The following TNFRSF10A variants were observed in gnomAD, a reference collection of about 807,000 sequenced individuals.
The protein encoded by TNFRSF10A is TNF receptor superfamily member 10a, also known as tumor necrosis factor receptor superfamily member 10A.
TNFRSF10A carries 44 observed loss-of-function variants against 42.8 expected under a neutral mutation model. The observed-to-expected ratio is 1.03, with a 90% CI of 0.81 to 1.32. TNFRSF10A has a LOEUF of 1.32. Ranked by LOEUF, TNFRSF10A falls within the 40% of genes most tolerant of loss-of-function variation. TNFRSF10A has a pLI of 0.00. For synonymous variants in TNFRSF10A, 259 were observed against 234.2 expected (o/e 1.11, Z -0.97); for missense variants, 680 against 602.0 (o/e 1.13, Z -1.36).
intron 1 of TNFRSF10A, 165 bp downstream of exon 1, chr8:23,224,591 G>A (rs926162000): frequency 5.3e-6 from 5 of 941,868 alleles, no homozygotes; most frequent in Non-Finnish European, 7.7e-6. Context: ...GCCTGGCCCC[G>A]GGGACCCCGT....
intron 1 of TNFRSF10A, among the ~76,000 whole-genome samples, chr8:23,221,298 T>C (rs1234485969): frequency 6.6e-6 from 1 of 152,166 alleles, no homozygotes; most frequent in Non-Finnish European, 1.5e-5. Context: ...ACCTAGTTTA[T>C]AGGAAGGAGC....
chr8:23,202,159 A>G (rs1020204379), intron 3 of TNFRSF10A, among the ~76,000 whole-genome samples: 5 of 152,198 alleles, frequency 3.3e-5, no homozygotes, highest in African/African-American at 1.2e-4. Context: ...CAGATTAGGG[A>G]AAAAGCACCA....
intron 4 of TNFRSF10A, 29 bp from the exon 5 acceptor site, chr8:23,200,789 G>T (rs374842149): frequency 8.1e-5 from 117 of 1,450,262 alleles, no homozygotes; most frequent in Non-Finnish European, 1.0e-4. Flanking sequence ...GGAGGGGGGG[G>T]ACTCTTGATG....
chr8:23,224,616 C>T, intron 1 of TNFRSF10A, 140 bp downstream of exon 1: 1 of 1,184,554 alleles, frequency 8.4e-7, no homozygotes, highest in Non-Finnish European at 1.2e-6. Flanking sequence ...CCTCCGACTC[C>T]GACGACGGGC....
chr8:23,225,016 C>T lies in TNFRSF10A; in HGVS notation c.46G>A (p.Val16Met). The change falls in exon 1 of 10, where the codon GTG becomes ATG. Residue 16 changes from valine (V) to methionine (M), a missense_variant. Physicochemically the swap from Val to Met is conservative, Grantham distance 21. Coordinates refer to ENST00000221132, the MANE Select transcript of TNFRSF10A (RefSeq NM_003844.4). ...GCTGCGCTCCCGGGATTCGGAGTCA[C>T]TGCCAGGAACGCACCTAGATGTACT... is the stretch of plus-strand genomic sequence containing the variant. ...ARVHLGAFLA[V>M]TPNPGSAASG... The T allele has an allele frequency of 6.3e-7, 1 of 1,582,708 alleles. No homozygotes were observed. The highest frequency in any genetic ancestry group is 8.6e-7 in the Non-Finnish European group (1 of 1,163,452).
At chr8:23,201,305 C>G (rs1360537735) in intron 4 of TNFRSF10A, among the ~76,000 whole-genome samples, 2 of 152,180 alleles carry the variant, frequency 1.3e-5, no homozygotes. Context: ...CTCAGGTCCT[C>G]ATGGGAACTT....
intron 1 of TNFRSF10A, among the ~76,000 whole-genome samples, chr8:23,220,921 A>G (rs1448527868): frequency 2.0e-5 from 3 of 152,196 alleles, no homozygotes; most frequent in Admixed American, 6.5e-5. Flanking sequence ...TCAAACTGCA[A>G]CCAGTGCCGG....
chr8:23,195,837 T>C (rs1407689402), intron 9 of TNFRSF10A, among the ~76,000 whole-genome samples: 5 of 152,154 alleles, frequency 3.3e-5, no homozygotes, highest in Non-Finnish European at 7.3e-5. Flanking sequence ...TATGTGAAGC[T>C]TCCCATGATG....
chr8:23,213,179 T>C (rs978599106), intron 1 of TNFRSF10A, among the ~76,000 whole-genome samples: 10 of 152,162 alleles, frequency 6.6e-5, no homozygotes, highest in African/African-American at 2.4e-4. Flanking sequence ...TTTGTTGACA[T>C]GCAATTATTT....
Position 23,191,909 on chromosome 8 carries a change from T to C in TNFRSF10A, c.1192A>G (p.Arg398Gly). Residue 398 changes from arginine to glycine, a missense_variant, in exon 10 of 10, where the codon AGA (arginine) becomes GGA (glycine). Coordinates refer to ENST00000221132, the MANE Select transcript of TNFRSF10A (RefSeq NM_003844.4). ...TCCCCTGGGCCTGCTGTACCAGCTC[T>C]GACCACATCGATCTCATTTTTCGTG... Reference protein sequence around the residue: ...DLTKNEIDVVRAGTAGPGDAL... With the variant: ...DLTKNEIDVVGAGTAGPGDAL... The C allele has an allele frequency of 6.2e-7, 1 of 1,614,220 alleles. No homozygotes were observed. Among genetic ancestry groups the C allele is most frequent in the Non-Finnish European group, 8.5e-7 (1 of 1,180,030 alleles).
intron 9 of TNFRSF10A, among the ~76,000 whole-genome samples, chr8:23,195,626 A>G (rs1335726936): frequency 6.6e-6 from 1 of 152,208 alleles, no homozygotes; most frequent in Non-Finnish European, 1.5e-5. Context: ...GCCTATGTGG[A>G]CAGTGATTTT....
Position 23,191,978 on chromosome 8 carries a change from C to T in TNFRSF10A, c.1123G>A (p.Val375Met), listed in dbSNP as rs777239727. The change falls in exon 10 of 10, where the codon GTG becomes ATG. Residue 375 changes from valine to methionine, a missense_variant. Transcript: ENST00000221132. ...MLFFDKFANIVPFDSWDQLMR... is the reference protein window; with the variant it reads ...MLFFDKFANIMPFDSWDQLMR... ...AGCTGGTCCCAGGAGTCAAAGGGCA[C>T]GATGTTTGCAAACTTGTCAAAGAAC... The T allele has an allele frequency of 8.1e-6, 13 of 1,613,968 alleles. No homozygotes were observed. The highest frequency in any genetic ancestry group is 2.2e-5 in the South Asian group (2 of 91,076).
chr8:23,205,052 A>C (rs1335788964), intron 2 of TNFRSF10A, among the ~76,000 whole-genome samples: 1 of 152,082 alleles, frequency 6.6e-6, no homozygotes, highest in African/African-American at 2.4e-5. Flanking sequence ...AGCAAGCAGA[A>C]GGAAGAAAAT....
At position 23,202,898 on chromosome 8, in the gene TNFRSF10A, C is replaced by T. The variant is rs763535437; in HGVS notation, c.404-137G>A. 3.4e-5 allele frequency: 21 copies of T among 614,446 alleles called. No individual in the cohort carries two copies. In the East Asian group the frequency reaches 4.7e-4, roughly 14 times the overall value. The allele number at this position is 614,446 out of a possible 1,614,324, so 38.1% of individuals were successfully genotyped here. A position where few individuals can be genotyped will look rare whatever the true frequency, so the allele number is the denominator to read the frequency against. ...TCCCATCTTCTTGGCTTGGTCTTGT[C>T]GTCAATTCTGCATCTATACACACCT... On this transcript the variant is annotated intron_variant, in intron 2 of 9. Transcript: ENST00000221132.
At chr8:23,206,008 G>A (rs1292788394) in intron 2 of TNFRSF10A, among the ~76,000 whole-genome samples, 1 of 151,850 alleles carries the variant, frequency 6.6e-6, no homozygotes. Flanking sequence ...GAGCCACTGC[G>A]CCCGGCCAAT....
At chr8:23,199,757 G>A (rs1349957322) in intron 7 of TNFRSF10A, 129 bp downstream of exon 7, 8 of 1,301,340 alleles carry the variant, frequency 6.1e-6, no homozygotes, top group Non-Finnish European at 8.8e-6. Flanking sequence ...TCAATGCACA[G>A]CATCCAGGCC....
At chr8:23,222,786 C>A (rs1801274309) in intron 1 of TNFRSF10A, among the ~76,000 whole-genome samples, 1 of 152,116 alleles carries the variant, frequency 6.6e-6, no homozygotes. Context: ...CTCCCACATT[C>A]CCCCAGGAGT....
chr8:23,219,710 C>T (rs933654067), intron 1 of TNFRSF10A, among the ~76,000 whole-genome samples: 11 of 152,238 alleles, frequency 7.2e-5, no homozygotes, highest in Admixed American at 3.3e-4. Context: ...CCACCCCAGC[C>T]GGTGCTGCTC....
chr8:23,222,699 A>G (rs940324253), intron 1 of TNFRSF10A, among the ~76,000 whole-genome samples: 2 of 152,146 alleles, frequency 1.3e-5, no homozygotes, highest in African/African-American at 2.4e-5. Context: ...TTGAAATCTG[A>G]ACCGTAATGT....
Sources: gnomAD v4.1 joint callset for allele counts (sites outside exome capture counted in the v4.1 genomes callset) on GRCh38, gnomAD v4.1.1 for gene constraint, MANE v1.5 for transcripts, NCBI Gene and HGNC (gene_info 2026-07-23, HGNC 2026-07-21) for gene names.